TMCC1: variants seen among roughly 807,000 people sequenced by gnomAD.
TMCC1 encodes transmembrane and coiled-coil domain family 1.
TMCC1 carries 15 observed loss-of-function variants against 52.4 expected under a neutral mutation model. The observed-to-expected ratio is 0.29, with a 90% CI of 0.19 to 0.44. TMCC1 has a LOEUF of 0.44. Ranked by LOEUF, TMCC1 falls within the 20% of genes least tolerant of loss-of-function variation. The pLI, the probability that TMCC1 is intolerant of heterozygous loss-of-function variation, is 1.00. For missense variants in TMCC1, 503 were observed against 806.0 expected (o/e 0.62, Z 4.55); for synonymous variants, 279 against 301.9 (o/e 0.92, Z 0.79).
chr3:129,876,286 CAAA>C (rs61167884), intron 2 of TMCC1, among the ~76,000 whole-genome samples: 11 of 91,040 alleles, frequency 1.2e-4, no homozygotes, highest in African/African-American at 2.5e-4. Context: ...ATGCCTGGCT[CAAA>C]AAAAAAAAAA....
chr3:129,798,807 T>TGAA (rs2057012607), intron 4 of TMCC1, among the ~76,000 whole-genome samples: 1 of 152,232 alleles, frequency 6.6e-6, no homozygotes, highest in Non-Finnish European at 1.5e-5. Context: ...ATTATTCTTT[T>TGAA]AGTTACTGTC....
At chr3:129,723,360 CTTTTTTTTTTTT>C (rs62761061) in intron 4 of TMCC1, among the ~76,000 whole-genome samples, 5 of 105,618 alleles carry the variant, frequency 4.7e-5, no homozygotes, top group Admixed American at 2.0e-4. Context: ...AAATCTTTTT[CTTTTTTTTTTTT>C]TTTTTTTGGC....
chr3:129,849,622 C>T (rs1402240978), intron 2 of TMCC1, among the ~76,000 whole-genome samples: 2 of 151,544 alleles, frequency 1.3e-5, no homozygotes, highest in African/African-American at 2.4e-5. Flanking sequence ...AAAAATTAGC[C>T]GGGGGTGGTG....
intron 2 of TMCC1, among the ~76,000 whole-genome samples, chr3:129,851,705 T>C (rs931489327): frequency 1.3e-5 from 2 of 152,180 alleles, no homozygotes; most frequent in African/African-American, 4.8e-5. Flanking sequence ...AAATTAGAAT[T>C]ATCACCTAAT....
chr3:129,873,905 T>C (rs1246491871), intron 2 of TMCC1, among the ~76,000 whole-genome samples: 1 of 152,122 alleles, frequency 6.6e-6, no homozygotes, highest in African/African-American at 2.4e-5. Context: ...GATTTCAGAT[T>C]TTGGATTTTC....
chr3:129,824,703 A>G (rs1259030627), intron 4 of TMCC1, among the ~76,000 whole-genome samples: 3 of 152,076 alleles, frequency 2.0e-5, no homozygotes, highest in Non-Finnish European at 4.4e-5. Flanking sequence ...ATACATCTTC[A>G]TTTCTAACTT....
At chr3:129,833,465 G>A (rs988644785) in intron 2 of TMCC1, among the ~76,000 whole-genome samples, 1 of 152,154 alleles carries the variant, frequency 6.6e-6, no homozygotes, top group Non-Finnish European at 1.5e-5. Context: ...AGCTACTTGG[G>A]AGATTGAGGC....
chr3:129,796,075 T>G (rs1464144916), intron 4 of TMCC1, among the ~76,000 whole-genome samples: 1 of 152,244 alleles, frequency 6.6e-6, no homozygotes, highest in Admixed American at 6.5e-5. Context: ...ACATGACATT[T>G]CAGTTAACAA....
At chr3:129,700,443 T>C (rs565170416) in intron 4 of TMCC1, among the ~76,000 whole-genome samples, 14 of 152,214 alleles carry the variant, frequency 9.2e-5, no homozygotes, top group Non-Finnish European at 1.5e-4. Flanking sequence ...AAATAGATTT[T>C]ACCCTTCCAA....
intron 2 of TMCC1, among the ~76,000 whole-genome samples, chr3:129,877,137 G>A (rs1288782113): frequency 2.0e-5 from 3 of 152,108 alleles, no homozygotes; most frequent in Admixed American, 6.6e-5. Context: ...TCTCATCAGG[G>A]TTTAGGAAAT....
At position 129,827,977 on chromosome 3, in the gene TMCC1, A is replaced by G. The variant is rs745617530; in HGVS notation, c.402T>C (p.Ser134=). The G allele has an allele frequency of 6.2e-7, 1 of 1,613,880 alleles. No individual in the cohort carries two copies. Among genetic ancestry groups the G allele is most frequent in the African/African-American group, 1.3e-5 (1 of 74,864 alleles). Residue 134 remains serine (S), a synonymous_variant, in exon 4 of 7, where the codon AGT becomes AGC. Transcript: ENST00000393238. ...GACCAGACTTCCTGTTGATTTGGGGACTTCCCTTTGGGGCCTCTGGCTTGC... is the reference window on the plus strand; with the variant it reads ...GACCAGACTTCCTGTTGATTTGGGGGCTTCCCTTTGGGGCCTCTGGCTTGC... The part of the protein sequence containing the change: ...RRGKPEAPKG[S]PQINRKSGQE...
rs530253131 is a variant in TMCC1 at position 129,661,160 on chromosome 3, G to C, written c.1512-6057C>G. 2.6e-5 allele frequency among the ~76,000 whole-genome samples: 4 copies of C among 152,314 alleles called. No individual in the cohort carries two copies. In the South Asian group the frequency reaches 8.3e-4, roughly 32 times the overall value. On this transcript the variant is annotated intron_variant, in intron 5 of 6. Transcript: ENST00000393238. Reference sequence around the variant, plus strand: ...AGAGATAATGCTTTGTTAGCAAGCAGCTAAATAGCAAAGCAGCATTTGGGT... The same window carrying C: ...AGAGATAATGCTTTGTTAGCAAGCACCTAAATAGCAAAGCAGCATTTGGGT...
intron 4 of TMCC1, among the ~76,000 whole-genome samples, chr3:129,699,952 G>T (rs1450345876): frequency 6.6e-6 from 1 of 151,896 alleles, no homozygotes; most frequent in Non-Finnish European, 1.5e-5. Context: ...AAAAACCTTA[G>T]GTATTACTTT....
intron 2 of TMCC1, among the ~76,000 whole-genome samples, chr3:129,870,401 A>T (rs186322200): frequency 6.6e-6 from 1 of 152,108 alleles, no homozygotes; most frequent in Non-Finnish European, 1.5e-5. Flanking sequence ...TATTATCTTC[A>T]GTACCAAAAT....
At chr3:129,801,679 C>G (rs2057205868) in intron 4 of TMCC1, among the ~76,000 whole-genome samples, 1 of 152,120 alleles carries the variant, frequency 6.6e-6, no homozygotes, top group South Asian at 2.1e-4. Context: ...TGTGACCCAC[C>G]CACCTCGGCC....
intron 4 of TMCC1, among the ~76,000 whole-genome samples, chr3:129,805,074 G>C (rs1400249149): frequency 1.3e-5 from 2 of 152,118 alleles, no homozygotes; most frequent in African/African-American, 2.4e-5. Context: ...AACCAGGCTG[G>C]AGTTATATAC....
At chr3:129,675,860 A>G (rs2088383937) in intron 4 of TMCC1, among the ~76,000 whole-genome samples, 1 of 151,842 alleles carries the variant, frequency 6.6e-6, no homozygotes, top group South Asian at 2.1e-4. Context: ...ACACGGTGAA[A>G]CCCCATCTCT....
At chr3:129,722,824 T>C (rs1033604253) in intron 4 of TMCC1, among the ~76,000 whole-genome samples, 3 of 152,086 alleles carry the variant, frequency 2.0e-5, no homozygotes, top group African/African-American at 4.8e-5. Flanking sequence ...CCAAGATATA[T>C]AGCAAACAAC....
At chr3:129,773,926 G>T (rs914413440) in intron 4 of TMCC1, among the ~76,000 whole-genome samples, 4 of 152,132 alleles carry the variant, frequency 2.6e-5, no homozygotes, top group African/African-American at 9.7e-5. Flanking sequence ...CTGGGCAATA[G>T]AGATACACTA....
Sources: allele counts gnomAD v4.1 joint callset (sites outside exome capture counted in the v4.1 genomes callset), GRCh38; gene constraint gnomAD v4.1.1; transcripts MANE v1.5; gene names NCBI Gene and HGNC (gene_info 2026-07-23, HGNC 2026-07-21).